The following LPP variants were observed in gnomAD, a reference collection of about 807,000 sequenced individuals.
LPP encodes the protein lipoma-preferred partner.
Under a neutral mutation model 60.4 loss-of-function variants are expected in LPP, and 38 were observed. The observed-to-expected ratio is 0.63, with a 90% CI of 0.49 to 0.83. LPP has a LOEUF of 0.83. Among genes scored for constraint, LPP ranks in the 40% least tolerant of loss-of-function variants. The probability of loss-of-function intolerance (pLI) is 0.00; values close to 1 mark genes in which losing one functional copy is unlikely to be tolerated. For synonymous variants in LPP, 328 were observed against 290.8 expected (o/e 1.13, Z -1.30); for missense variants, 902 against 783.6 (o/e 1.15, Z -1.80).
chr3:188,156,854 C>CT (rs533685801), intron 1 of LPP, among the ~76,000 whole-genome samples: 2 of 151,418 alleles, frequency 1.3e-5, no homozygotes, highest in South Asian at 4.2e-4. Flanking sequence ...GCGCCCCACC[C>CT]CCCCAAGAAA....
At chr3:188,553,089 G>A (rs914906285) in intron 6 of LPP, among the ~76,000 whole-genome samples, 3 of 152,162 alleles carry the variant, frequency 2.0e-5, no homozygotes, top group Admixed American at 2.0e-4. Flanking sequence ...CTACCTAGTA[G>A]AGGAATATTT....
At chr3:188,839,010 T>G (rs957468729) in intron 9 of LPP, among the ~76,000 whole-genome samples, 1 of 152,148 alleles carries the variant, frequency 6.6e-6, no homozygotes, top group South Asian at 2.1e-4. Flanking sequence ...CACATGTATC[T>G]CAAAAGTAAA....
At chr3:188,184,750 G>A (rs1726085917) in intron 1 of LPP, among the ~76,000 whole-genome samples, 2 of 148,678 alleles carry the variant, frequency 1.3e-5, no homozygotes, top group East Asian at 2.0e-4. Flanking sequence ...AATTCAATAA[G>A]CATTTGCATT....
chr3:188,437,335 G>C (rs1792582876), intron 4 of LPP, among the ~76,000 whole-genome samples: 1 of 152,196 alleles, frequency 6.6e-6, no homozygotes, highest in African/African-American at 2.4e-5. Flanking sequence ...AAAAGTTCCT[G>C]CTATTAGGAT....
intron 3 of LPP, among the ~76,000 whole-genome samples, chr3:188,390,321 A>G (rs2030524): frequency 0.13 from 19,624 of 152,104 alleles, 4,057 homozygotes; most frequent in African/African-American, 0.44. Context: ...AATCACTGCT[A>G]TATTTACATT....
chr3:188,821,753 T>C (rs115081728), intron 9 of LPP, among the ~76,000 whole-genome samples: 1,807 of 152,242 alleles, frequency 0.012, 38 homozygotes, highest in African/African-American at 0.041. Context: ...TTTTCCCATA[T>C]CTTCCCAGAT....
chr3:188,439,118 T>C (rs1385447409), intron 4 of LPP, among the ~76,000 whole-genome samples: 1 of 152,222 alleles, frequency 6.6e-6, no homozygotes, highest in Non-Finnish European at 1.5e-5. Flanking sequence ...TGTCATTTTC[T>C]GATAAAGAAA....
At chr3:188,870,720 C>T (rs1433852633) in intron 10 of LPP, among the ~76,000 whole-genome samples, 2 of 152,074 alleles carry the variant, frequency 1.3e-5, no homozygotes, top group African/African-American at 2.4e-5. Flanking sequence ...TGAAATAGAC[C>T]ACCTGGGATT....
At chr3:188,503,640 CT>C (rs60878110) in intron 5 of LPP, among the ~76,000 whole-genome samples, 1,802 of 141,194 alleles carry the variant, frequency 0.013, 26 homozygotes, top group African/African-American at 0.029. Context: ...TCTCTCACCT[CT>C]TTTTTTTTTT....
intron 2 of LPP, among the ~76,000 whole-genome samples, chr3:188,327,838 C>T (rs1365947662): frequency 1.3e-5 from 2 of 151,994 alleles, no homozygotes; most frequent in Non-Finnish European, 2.9e-5. Context: ...TCTCTGAACT[C>T]CTTTATGTTC....
At chr3:188,375,210 T>C (rs556420369) in intron 3 of LPP, among the ~76,000 whole-genome samples, 24 of 152,186 alleles carry the variant, frequency 1.6e-4, no homozygotes, top group Non-Finnish European at 2.9e-4. Flanking sequence ...ATCAGGATGA[T>C]GCTGGCCTCA....
intron 7 of LPP, among the ~76,000 whole-genome samples, chr3:188,655,942 C>T (rs748277949): frequency 2.0e-5 from 3 of 151,914 alleles, no homozygotes; most frequent in Non-Finnish European, 4.4e-5. Context: ...GTAATCCCAG[C>T]ACTTTGGGAG....
At chr3:188,504,037 C>T (rs1040138267) in intron 5 of LPP, among the ~76,000 whole-genome samples, 4 of 150,974 alleles carry the variant, frequency 2.6e-5, no homozygotes, top group African/African-American at 9.7e-5. Context: ...CCTGCCTTTT[C>T]TCTCTGTCTC....
chr3:188,828,651 T>C (rs1221753973), intron 9 of LPP, among the ~76,000 whole-genome samples: 1 of 125,272 alleles, frequency 8.0e-6, no homozygotes, highest in African/African-American at 2.9e-5. Flanking sequence ...CTCAGCTGCA[T>C]CCTTCCCAGT....
chr3:188,232,391 A>G (rs1720343479), intron 2 of LPP, among the ~76,000 whole-genome samples: 2 of 151,136 alleles, frequency 1.3e-5, no homozygotes, highest in African/African-American at 2.4e-5. Context: ...GTTGCCCAGG[A>G]TGGAGTGCAA....
chr3:188,706,960 T>C (rs1865597303), intron 7 of LPP, among the ~76,000 whole-genome samples: 1 of 152,162 alleles, frequency 6.6e-6, no homozygotes, highest in Non-Finnish European at 1.5e-5. Context: ...TTAGAAATGG[T>C]CAAATTTATA....
In LPP at chr3:188,523,477, C is replaced by T. The variant is rs28592126; in HGVS notation, c.307-1188C>T. ...TTGGTGAGTAAGCTACTAGGGCATA[C>T]GGAACTAGTGGTCTTCACAGGCCAT... On this transcript the variant is annotated intron_variant, in intron 5 of 11. Transcript: ENST00000617246. 2.7e-3 allele frequency among the ~76,000 whole-genome samples: 418 copies of T among 152,264 alleles called. 3 individuals are homozygous for T. The highest frequency in any genetic ancestry group is 4.0e-3 in the Non-Finnish European group (274 of 68,016).
chr3:188,655,089 C>G (rs1852880216), intron 7 of LPP, among the ~76,000 whole-genome samples: 1 of 152,080 alleles, frequency 6.6e-6, no homozygotes, highest in Non-Finnish European at 1.5e-5. Flanking sequence ...TCAACTATGA[C>G]CAGAAGATAC....
At chr3:188,437,359 C>G (rs1211009462) in intron 4 of LPP, among the ~76,000 whole-genome samples, 2 of 152,130 alleles carry the variant, frequency 1.3e-5, no homozygotes, top group Non-Finnish European at 2.9e-5. Flanking sequence ...TTGATATGCA[C>G]TTGATGTTTG....
Sources: allele counts gnomAD v4.1 joint callset (sites outside exome capture counted in the v4.1 genomes callset), GRCh38; gene constraint gnomAD v4.1.1; transcripts MANE v1.5; gene names NCBI Gene and HGNC (gene_info 2026-07-23, HGNC 2026-07-21).